ANKRD16: variants seen among roughly 807,000 people sequenced by gnomAD.
The protein encoded by ANKRD16 is ankyrin repeat domain-containing protein 16.
ANKRD16 carries 35 observed loss-of-function variants against 37.9 expected under a neutral mutation model. That is an observed-to-expected ratio of 0.92 (90% CI 0.71 to 1.23). The LOEUF is 1.23. Ranked by LOEUF, ANKRD16 falls within the 50% of genes most tolerant of loss-of-function variation. ANKRD16 has a pLI of 0.00. For synonymous variants in ANKRD16, 206 were observed against 197.2 expected (o/e 1.04, Z -0.37); for missense variants, 480 against 469.9 (o/e 1.02, Z -0.20).
At chr10:5,887,544 G>T (rs752442029) in intron 2 of ANKRD16, among the ~76,000 whole-genome samples, 2 of 152,088 alleles carry the variant, frequency 1.3e-5, no homozygotes, top group Non-Finnish European at 2.9e-5. Context: ...CACCACGCCC[G>T]GCTAATTTTT....
chr10:5,862,852 T>C lies in ANKRD16; in HGVS notation c.*34-161A>G, dbSNP rs1841962181. Among the ~76,000 whole-genome samples the C allele has an allele frequency of 6.6e-6, 1 of 151,760 alleles. No individual in the cohort carries two copies. The highest frequency in any genetic ancestry group is 1.5e-5 in the Non-Finnish European group (1 of 67,950). The stretch of plus-strand genomic sequence containing the variant: ...CAGAGAGGGAGAGTCCCATGCGCAG[T>C]TGGAAGGGAGAAGGGAAGGGGAGGC... On this transcript the variant is annotated intron_variant, in intron 7 of 7. Coordinates refer to ENST00000380094, the MANE Select transcript of ANKRD16 (RefSeq NM_019046.3). The surrounding 1 kb of genome is among the most constrained non-coding windows in gnomAD (Gnocchi z 6.5).
rs571471994 is a variant in ANKRD16, at chr10:5,871,161, C to A, written c.*33+6936G>T. Among the ~76,000 whole-genome samples the A allele has an allele frequency of 6.6e-6, 1 of 152,066 alleles. No individual in the cohort carries two copies. The highest frequency in any genetic ancestry group is 1.9e-4 in the East Asian group (1 of 5,162). On this transcript the variant is annotated intron_variant, in intron 7 of 7. Transcript: ENST00000380094. The surrounding 1 kb of genome is among the most constrained non-coding windows in gnomAD (Gnocchi z 4.5). ...CAGCACTTTGGGAGGCCAAGGTGGG[C>A]GGATCACCTGAGGTTGGGAGTTCGA...
At position 5,862,641 on chromosome 10, in the gene ANKRD16, C is replaced by G; in HGVS notation, c.*84G>C. The G allele has an allele frequency of 7.8e-7, 1 of 1,289,626 alleles. No individual in the cohort carries two copies. Among genetic ancestry groups the G allele is most frequent in the Non-Finnish European group, 1.0e-6 (1 of 988,880 alleles). 79.9% of individuals were successfully genotyped at this position (1,289,626 alleles called of 1,614,324 possible). A position where few individuals can be genotyped will look rare whatever the true frequency, so the allele number is the denominator to read the frequency against. On this transcript the variant is annotated 3_prime_UTR_variant, in exon 8 of 8. Transcript: ENST00000380094. This position sits in a 1 kb window ranked among gnomAD's most constrained non-coding sequence, Gnocchi z 6.5. The stretch of plus-strand genomic sequence containing the variant: ...TTCAGGATGACTGAAGCAAGTTGCA[C>G]TTGGCTTTCTCTGAGCCGAAAAACG...
intron 2 of ANKRD16, among the ~76,000 whole-genome samples, chr10:5,886,539 C>T (rs1220674239): frequency 5.3e-5 from 8 of 152,066 alleles, no homozygotes; most frequent in African/African-American, 1.7e-4. Flanking sequence ...TGCAGTGAGC[C>T]GAGATCGTGC....
chr10:5,870,267 C>T lies in ANKRD16; in HGVS notation c.*34-7576G>A, dbSNP rs1300183890. Among the ~76,000 whole-genome samples the T allele has an allele frequency of 6.6e-6, 1 of 152,136 alleles. No homozygotes were observed. The highest frequency in any genetic ancestry group is 1.5e-5 in the Non-Finnish European group (1 of 68,020). On this transcript the variant is annotated intron_variant, in intron 7 of 7. Transcript: ENST00000380094. This position sits in a 1 kb window ranked among gnomAD's most constrained non-coding sequence, Gnocchi z 5.0. ...CCTCACCGACCCCTTCACGGAGGCC[C>T]CCAGTGCACCTGCGCAGTGAGGTCA...
Position 5,861,771 on chromosome 10 carries a change from T to A in ANKRD16, c.*954A>T, listed in dbSNP as rs1454424036. The A allele has an allele frequency of 6.6e-6, 1 of 151,804 alleles. No individual in the cohort carries two copies. The highest frequency in any genetic ancestry group is 1.5e-5 in the Non-Finnish European group (1 of 67,992). 9.4% of individuals were successfully genotyped at this position (151,804 alleles called of 1,614,324 possible). ...GTCTTTTTTTTTTTTGGTTATCAGA[T>A]AACCCTTTGTGAAAATATTTTCCTT... On this transcript the variant is annotated 3_prime_UTR_variant, in exon 8 of 8. Transcript: ENST00000380094.
In ANKRD16 at chr10:5,866,208, C is replaced by T. The variant is rs1168951390; in HGVS notation, c.*34-3517G>A. On this transcript the variant is annotated intron_variant, in intron 7 of 7. Coordinates refer to ENST00000380094, the MANE Select transcript of ANKRD16 (RefSeq NM_019046.3). The surrounding 1 kb of genome is among the most constrained non-coding windows in gnomAD (Gnocchi z 4.3). ...GCTTCAAATACATACGTGTGCGGCCCTCAACCCTGCCACTTTTCTCCCAGA... is the reference window on the plus strand; with the variant it reads ...GCTTCAAATACATACGTGTGCGGCCTTCAACCCTGCCACTTTTCTCCCAGA... Among the ~76,000 whole-genome samples, 1 of 152,160 alleles carries T rather than the reference C, an allele frequency of 6.6e-6. No homozygotes were observed. Among genetic ancestry groups the T allele is most frequent in the East Asian group, 1.9e-4 (1 of 5,190 alleles).
At chr10:5,876,186 C>T (rs958994740) in intron 7 of ANKRD16, among the ~76,000 whole-genome samples, 2 of 152,152 alleles carry the variant, frequency 1.3e-5, no homozygotes, top group Admixed American at 6.5e-5. Context: ...GCCCAGCCCA[C>T]GATTAATGTT....
In ANKRD16 at chr10:5,869,984, G is replaced by A. The variant is rs1842063164; in HGVS notation, c.*34-7293C>T. ...CTGGACTCTCTCCCTCTGAGAATCT[G>A]CATTTTTCTTTTTTTCAGGATCCCT... is the stretch of plus-strand genomic sequence containing the variant. On this transcript the variant is annotated intron_variant, in intron 7 of 7. Transcript: ENST00000380094. This position sits in a 1 kb window ranked among gnomAD's most constrained non-coding sequence, Gnocchi z 4.0. Among the ~76,000 whole-genome samples the A allele has an allele frequency of 6.6e-6, 1 of 151,942 alleles. No homozygotes were observed. Among genetic ancestry groups the A allele is most frequent in the Non-Finnish European group, 1.5e-5 (1 of 67,980 alleles).
intron 7 of ANKRD16, among the ~76,000 whole-genome samples, chr10:5,877,095 ATC>A (rs1589019153): frequency 6.8e-6 from 1 of 146,956 alleles, no homozygotes; most frequent in African/African-American, 2.5e-5. Flanking sequence ...TTTTGTAAAT[ATC>A]TTAGTTACAT....
chr10:5,883,633 T>G (rs961665110), intron 4 of ANKRD16, among the ~76,000 whole-genome samples: 2 of 152,220 alleles, frequency 1.3e-5, no homozygotes, highest in African/African-American at 4.8e-5. Context: ...ATGGTTATGA[T>G]TCAATGTTCC....
chr10:5,876,032 T>A (rs1842179548), intron 7 of ANKRD16, among the ~76,000 whole-genome samples: 2 of 152,158 alleles, frequency 1.3e-5, no homozygotes, highest in Non-Finnish European at 2.9e-5. Context: ...TACAGGCGCA[T>A]GCCACCACGC....
At chr10:5,872,197 G>A (rs1842100683) in intron 7 of ANKRD16, among the ~76,000 whole-genome samples, 1 of 152,072 alleles carries the variant, frequency 6.6e-6, no homozygotes, top group African/African-American at 2.4e-5. Flanking sequence ...AAAGTTAGAG[G>A]GCCAAGTGTG....
chr10:5,885,851 G>A (rs923049696), intron 2 of ANKRD16, 86 bp from the exon 3 acceptor site: 188 of 1,337,722 alleles, frequency 1.4e-4, no homozygotes, highest in Admixed American at 3.5e-4. Context: ...TCTCTGCCCC[G>A]TTCTATTAGT....
rs553174934 is a variant in ANKRD16, at chr10:5,889,250, C to T, written c.105G>A (p.Pro35=). ...ELQAAGGCPG[P]AGDTLLHCAA... ...CGCAGTGCAGGAGGGTATCCCCGGC[C>T]GGCCCCGGGCAGCCCCCGGCCGCCT... The change falls in exon 1 of 8, where the codon CCG becomes CCA. Residue 35 remains proline (P), a synonymous_variant. Coordinates refer to ENST00000380094, the MANE Select transcript of ANKRD16 (RefSeq NM_019046.3). The T allele has an allele frequency of 2.0e-6, 3 of 1,518,388 alleles. No homozygotes were observed. Among genetic ancestry groups the T allele is most frequent in the East Asian group, 2.6e-5 (1 of 39,030 alleles). 94.1% of individuals were successfully genotyped at this position (1,518,388 alleles called of 1,614,324 possible).
rs1002724993 is a variant in ANKRD16, at chr10:5,870,399, T to C, written c.*33+7698A>G. ...CACCAGCCAGTCCTCATTCCCTCCC[T>C]ACTGCTTTTTTTTTTTTTTTTTGAA... On this transcript the variant is annotated intron_variant, in intron 7 of 7. Coordinates refer to ENST00000380094, the MANE Select transcript of ANKRD16 (RefSeq NM_019046.3). The surrounding 1 kb of genome is among the most constrained non-coding windows in gnomAD (Gnocchi z 5.0). Among the ~76,000 whole-genome samples the C allele has an allele frequency of 1.0e-4, 15 of 146,750 alleles. No homozygotes were observed. The highest frequency in any genetic ancestry group is 2.1e-4 in the Non-Finnish European group (14 of 66,998).
Position 5,871,536 on chromosome 10 carries a change from G to A in ANKRD16, c.*33+6561C>T, listed in dbSNP as rs997903844. ...CATTCTTGTAGGAAACGTAATAAAT[G>A]TGCTCCACAAATCCCCCACCCTCCT... On this transcript the variant is annotated intron_variant, in intron 7 of 7. Transcript: ENST00000380094. This position sits in a 1 kb window ranked among gnomAD's most constrained non-coding sequence, Gnocchi z 4.5. Among the ~76,000 whole-genome samples, 1 of 152,174 alleles carries A rather than the reference G, an allele frequency of 6.6e-6. No individual in the cohort carries two copies. The highest frequency in any genetic ancestry group is 1.5e-5 in the Non-Finnish European group (1 of 68,032).
rs1191354221 is a variant in ANKRD16 at position 5,864,254 on chromosome 10, C to T, written c.*34-1563G>A. On this transcript the variant is annotated intron_variant, in intron 7 of 7. Coordinates refer to ENST00000380094, the MANE Select transcript of ANKRD16 (RefSeq NM_019046.3). This position sits in a 1 kb window ranked among gnomAD's most constrained non-coding sequence, Gnocchi z 4.4. ...CCCCCAGATCCTAGCCTCCCTATAG[C>T]CCCTTCCTATTAATGATAAGCCTCC... Among the ~76,000 whole-genome samples the T allele has an allele frequency of 6.6e-6, 1 of 152,030 alleles. No individual in the cohort carries two copies. The highest frequency in any genetic ancestry group is 2.4e-5 in the African/African-American group (1 of 41,334).
chr10:5,880,639 G>T (rs1312944324), intron 5 of ANKRD16, among the ~76,000 whole-genome samples: 1 of 152,080 alleles, frequency 6.6e-6, no homozygotes, highest in African/African-American at 2.4e-5. Context: ...AGGAGCAGGG[G>T]GGGGATTAGG....
Sources: gnomAD v4.1 joint callset for allele counts (sites outside exome capture counted in the v4.1 genomes callset) on GRCh38, gnomAD v4.1.1 for gene constraint, Gnocchi (gnomAD v3.1) non-coding constraint, MANE v1.5 for transcripts, NCBI Gene and HGNC (gene_info 2026-07-23, HGNC 2026-07-21) for gene names.